The following EPB41L5 variants were observed in gnomAD, a reference collection of about 807,000 sequenced individuals.
EPB41L5 encodes the protein erythrocyte membrane protein band 4.1 like 5.
EPB41L5 carries 55 observed loss-of-function variants against 106.6 expected under a neutral mutation model. The ratio of observed to expected loss-of-function variants is 0.52; its 90% CI spans 0.42 to 0.65. EPB41L5 has a LOEUF of 0.65. Among genes scored for constraint, EPB41L5 ranks in the 30% least tolerant of loss-of-function variants. The pLI, the probability that EPB41L5 is intolerant of heterozygous loss-of-function variation, is 0.00. For synonymous variants in EPB41L5, 297 were observed against 306.7 expected, an observed-to-expected ratio of 0.97 and a Z score of 0.33; for missense variants, 871 against 882.1, an observed-to-expected ratio of 0.99 and a Z score of 0.16.
At chr2:120,069,750 G>C (rs1681729146) in intron 3 of EPB41L5, among the ~76,000 whole-genome samples, 1 of 152,074 alleles carries the variant, frequency 6.6e-6, no homozygotes, top group South Asian at 2.1e-4. Context: ...GCAGAAATCA[G>C]TAAGTTCTTT....
intron 3 of EPB41L5, among the ~76,000 whole-genome samples, chr2:120,056,806 G>A (rs1411058013): frequency 6.6e-6 from 1 of 151,832 alleles, no homozygotes; most frequent in African/African-American, 2.4e-5. Context: ...GGTAGAATTT[G>A]TCATTGAAAC....
intron 24 of EPB41L5, among the ~76,000 whole-genome samples, chr2:120,174,089 G>T (rs182664443): frequency 4.1e-4 from 62 of 152,258 alleles, no homozygotes; most frequent in African/African-American, 1.4e-3. Flanking sequence ...GCCCATGAGG[G>T]CTTCTTTTTC....
chr2:120,170,174 T>G (rs1327041480), intron 24 of EPB41L5, among the ~76,000 whole-genome samples: 1 of 150,906 alleles, frequency 6.6e-6, no homozygotes, highest in Non-Finnish European at 1.5e-5. Flanking sequence ...CAGTGAAAAT[T>G]AATAACTACA....
intron 14 of EPB41L5, among the ~76,000 whole-genome samples, chr2:120,096,308 C>A (rs186170564): frequency 1.7e-4 from 26 of 152,002 alleles, no homozygotes; most frequent in Admixed American, 3.3e-4. Context: ...CAAGGACTCC[C>A]CTCAAGTTTC....
rs1484687623 is a variant in EPB41L5 at position 120,175,402 on chromosome 2, G to A, written c.*495G>A. 1 of 153,624 alleles carries A rather than the reference G, an allele frequency of 6.5e-6. No individual in the cohort carries two copies. Among genetic ancestry groups the A allele is most frequent in the Non-Finnish European group, 1.4e-5 (1 of 69,436 alleles). 9.5% of individuals were successfully genotyped at this position (153,624 alleles called of 1,614,324 possible). ...GGAAATTAATGTGGACACTATAAAGGCAGACTTAGGGCCAACTTTTTTTTT... is the reference window on the plus strand; with the variant it reads ...GGAAATTAATGTGGACACTATAAAGACAGACTTAGGGCCAACTTTTTTTTT... On this transcript the variant is annotated 3_prime_UTR_variant, in exon 25 of 25. Coordinates refer to ENST00000263713, the MANE Select transcript of EPB41L5 (RefSeq NM_020909.4).
chr2:120,100,009 G>A (rs1274130885), intron 14 of EPB41L5, among the ~76,000 whole-genome samples: 1 of 152,146 alleles, frequency 6.6e-6, no homozygotes, highest in Non-Finnish European at 1.5e-5. Context: ...AAATATAGGT[G>A]TATGGAAACA....
At chr2:120,029,162 T>TTTG (rs952799617) in intron 2 of EPB41L5, among the ~76,000 whole-genome samples, 2 of 152,022 alleles carry the variant, frequency 1.3e-5, no homozygotes, top group Non-Finnish European at 2.9e-5. Context: ...AATTGCGGTT[T>TTTG]TTGTTGTTGT....
At position 120,038,208 on chromosome 2, in the gene EPB41L5, G is replaced by A. The variant is rs182274744; in HGVS notation, c.181-3798G>A. ...CAACCAAAAGCCAATTCGAAAATAG[G>A]CAAAGAACTTACACATTTCTCCAAA... On this transcript the variant is annotated intron_variant, in intron 2 of 24. Transcript: ENST00000263713. Among the ~76,000 whole-genome samples the A allele has an allele frequency of 4.2e-3, 636 of 152,210 alleles. 3 individuals are homozygous for A. The highest frequency in any genetic ancestry group is 7.1e-3 in the South Asian group (34 of 4,822).
chr2:120,142,226 C>G (rs1686207263), intron 18 of EPB41L5, among the ~76,000 whole-genome samples: 1 of 150,654 alleles, frequency 6.6e-6, no homozygotes, highest in East Asian at 1.9e-4. Flanking sequence ...ATTTATTTGT[C>G]TCCTTCATTA....
At chr2:120,095,895 C>G (rs1173738192) in intron 14 of EPB41L5, among the ~76,000 whole-genome samples, 2 of 152,096 alleles carry the variant, frequency 1.3e-5, no homozygotes, top group African/African-American at 4.8e-5. Flanking sequence ...GTTTCGAACT[C>G]TTGACCTCAT....
intron 18 of EPB41L5, among the ~76,000 whole-genome samples, chr2:120,134,670 C>T (rs944585841): frequency 5.3e-5 from 8 of 152,166 alleles, no homozygotes; most frequent in African/African-American, 1.2e-4. Context: ...GGAATTCTCC[C>T]GGATCTTACC....
At chr2:120,169,815 A>G (rs1574799832) in intron 24 of EPB41L5, among the ~76,000 whole-genome samples, 1 of 152,234 alleles carries the variant, frequency 6.6e-6, no homozygotes, top group South Asian at 2.1e-4. Flanking sequence ...ACAGTGTGCA[A>G]CTTGATTAGT....
In EPB41L5 at chr2:120,042,066, A is replaced by C; in HGVS notation, c.241A>C (p.Ser81Arg). ...QIMYHLDLIE[S>R]DYFGLRFMDS... Reference sequence around the variant, plus strand: ...TATGTACCACCTGGACCTGATTGAAAGCGACTATTTTGGTCTGAGATTTAT... The same window carrying C: ...TATGTACCACCTGGACCTGATTGAACGCGACTATTTTGGTCTGAGATTTAT... The change falls in exon 3 of 25, where the codon AGC becomes CGC. Residue 81 changes from serine (S) to arginine (R), a missense_variant. By Grantham distance (110) the Ser-to-Arg change is moderately radical. Coordinates refer to ENST00000263713, the MANE Select transcript of EPB41L5 (RefSeq NM_020909.4). 6.2e-7 allele frequency: 1 copy of C among 1,613,752 alleles called. No homozygotes were observed. Among genetic ancestry groups the C allele is most frequent in the East Asian group, 2.2e-5 (1 of 44,842 alleles).
intron 14 of EPB41L5, among the ~76,000 whole-genome samples, chr2:120,098,648 A>G (rs1683930902): frequency 6.6e-6 from 1 of 152,226 alleles, no homozygotes; most frequent in Admixed American, 6.5e-5. Context: ...AGACCTAGTG[A>G]CACAGCTTGG....
intron 2 of EPB41L5, among the ~76,000 whole-genome samples, chr2:120,025,606 G>A (rs1391558089): frequency 6.6e-6 from 1 of 152,102 alleles, no homozygotes; most frequent in African/African-American, 2.4e-5. Context: ...AGATGCTAAA[G>A]GCTTTAAATT....
chr2:120,090,937 A>C (rs1366726134), intron 12 of EPB41L5, among the ~76,000 whole-genome samples: 1 of 152,154 alleles, frequency 6.6e-6, no homozygotes, highest in Non-Finnish European at 1.5e-5. Context: ...TGTTGTCATG[A>C]GTTAGAAATG....
chr2:120,054,865 C>CTTTTTTTTTTTTTTTTTTTTT (rs34163490), intron 3 of EPB41L5, among the ~76,000 whole-genome samples: 1 of 129,786 alleles, frequency 7.7e-6, no homozygotes, highest in Non-Finnish European at 1.7e-5. Flanking sequence ...CATATATACA[C>CTTTTTTTTTTTTTTTTTTTTT]TTTTTTTTTT....
intron 3 of EPB41L5, among the ~76,000 whole-genome samples, chr2:120,047,030 T>G (rs1369468894): frequency 6.6e-6 from 1 of 151,022 alleles, no homozygotes; most frequent in Non-Finnish European, 1.5e-5. Context: ...GTCTCTGTTT[T>G]GGTACCAGTA....
At chr2:120,127,074 T>C (rs1628927) in intron 16 of EPB41L5, among the ~76,000 whole-genome samples, 39,370 of 152,090 alleles carry the variant, frequency 0.26, 5,481 homozygotes, top group South Asian at 0.35. Context: ...TGTATAGATA[T>C]ACAATTGATT....
Sources: allele counts gnomAD v4.1 joint callset (sites outside exome capture counted in the v4.1 genomes callset), GRCh38; gene constraint gnomAD v4.1.1; transcripts MANE v1.5; gene names NCBI Gene and HGNC (gene_info 2026-07-23, HGNC 2026-07-21).